TRDN: variants seen among roughly 807,000 people sequenced by gnomAD.
TRDN encodes triadin in skeletal muscle.
In TRDN, 161 loss-of-function variants were observed where a neutral mutation model predicts 149.7. That is an observed-to-expected ratio of 1.08 (90% CI 0.95 to 1.23). The LOEUF is 1.23. Ranked by LOEUF, TRDN falls within the 50% of genes most tolerant of loss-of-function variation. The pLI, the probability that TRDN is intolerant of heterozygous loss-of-function variation, is 0.00. For synonymous variants in TRDN, 294 were observed against 250.5 expected, an observed-to-expected ratio of 1.17 and a Z score of -1.64; for missense variants, 896 against 823.5, an observed-to-expected ratio of 1.09 and a Z score of -1.08.
chr6:123,381,457 T>C, intron 15 of TRDN, 67 bp from the exon 16 acceptor site: 6 of 1,422,318 alleles, frequency 4.2e-6, no homozygotes, highest in Non-Finnish European at 5.7e-6. Flanking sequence ...ACCCTACATA[T>C]TGATTAGACT....
At chr6:123,365,684 A>G (rs1781070278) in intron 20 of TRDN, among the ~76,000 whole-genome samples, 1 of 152,156 alleles carries the variant, frequency 6.6e-6, no homozygotes, top group Non-Finnish European at 1.5e-5. Context: ...TATATTTCTT[A>G]AAGCAAAATG....
At chr6:123,576,130 A>T (rs550515256) in intron 1 of TRDN, among the ~76,000 whole-genome samples, 1 of 152,174 alleles carries the variant, frequency 6.6e-6, no homozygotes, top group Non-Finnish European at 1.5e-5. Context: ...CTTTAAGAAC[A>T]TAATTCCCAA....
At chr6:123,471,492 T>G (rs989573516) in intron 9 of TRDN, 12 of 152,272 alleles carry the variant, frequency 7.9e-5, no homozygotes, top group African/African-American at 2.9e-4. Context: ...TAGAAAAGGT[T>G]TAAGCAAATG....
At chr6:123,441,760 G>T (rs1184717061) in intron 10 of TRDN, among the ~76,000 whole-genome samples, 1 of 152,128 alleles carries the variant, frequency 6.6e-6, no homozygotes. Flanking sequence ...AGCTTTCTAA[G>T]ATGCTGTTTC....
In TRDN at chr6:123,616,133, T is replaced by C. The variant is rs142021384; in HGVS notation, c.22+20621A>G. ...TGGTATGCCGAGGCAGGAGGATCAC[T>C]TGAGGCTAGGAATTTGAGACCAGCC... On this transcript the variant is annotated intron_variant, in intron 1 of 40. Transcript: ENST00000334268. Among the ~76,000 whole-genome samples, 475 of 152,238 alleles carry C rather than the reference T, an allele frequency of 3.1e-3. 4 individuals are homozygous for C. Among genetic ancestry groups the C allele is most frequent in the African/African-American group, 0.011 (446 of 41,552 alleles).
chr6:123,522,443 G>A (rs1326577181), intron 5 of TRDN, among the ~76,000 whole-genome samples: 2 of 150,944 alleles, frequency 1.3e-5, no homozygotes, highest in Non-Finnish European at 2.9e-5. Flanking sequence ...TACATGGGGG[G>A]GGAAAGCCAG....
At chr6:123,476,861 A>G (rs1484105235) in intron 9 of TRDN, among the ~76,000 whole-genome samples, 1 of 151,952 alleles carries the variant, frequency 6.6e-6, no homozygotes, top group African/African-American at 2.4e-5. Flanking sequence ...AGCCATATGT[A>G]GAAAGCTGAA....
At chr6:123,401,199 T>A (rs2114485018) in intron 12 of TRDN, among the ~76,000 whole-genome samples, 1 of 152,334 alleles carries the variant, frequency 6.6e-6, no homozygotes, top group South Asian at 2.1e-4. Flanking sequence ...GTTATAATCA[T>A]ATTCAAAGAG....
rs1442579864 is a variant in TRDN, at chr6:123,464,971, G to A, written c.866C>T (p.Ala289Val). The part of the protein sequence containing the change: ...HGDLKPGQSP[A>V]IPPPLPTEQA... ...TTCTGTCGGTAAGGGAGGTGGAATGGCTGGGCTTTGTCCTACACAATGTAG... is the reference window on the plus strand; with the variant it reads ...TTCTGTCGGTAAGGGAGGTGGAATGACTGGGCTTTGTCCTACACAATGTAG... Residue 289 changes from alanine (A) to valine (V), a missense_variant, in exon 10 of 41, where the codon GCC (alanine) becomes GTC (valine). Transcript: ENST00000334268. 1 of 1,595,756 alleles carries A rather than the reference G, an allele frequency of 6.3e-7. No homozygotes were observed. Among genetic ancestry groups the A allele is most frequent in the Admixed American group, 1.8e-5 (1 of 57,068 alleles).
chr6:123,442,978 C>A (rs910281806), intron 10 of TRDN, among the ~76,000 whole-genome samples: 3 of 152,112 alleles, frequency 2.0e-5, no homozygotes, highest in African/African-American at 7.2e-5. Flanking sequence ...CTGTCTTCAA[C>A]CATAAAAGGC....
chr6:123,523,660 A>G (rs910426634), intron 5 of TRDN, among the ~76,000 whole-genome samples: 3 of 152,164 alleles, frequency 2.0e-5, no homozygotes, highest in Middle Eastern at 3.2e-3. Context: ...AAAGTAGACT[A>G]AATTATAGTA....
chr6:123,466,954 A>G (rs1426865819), intron 9 of TRDN, among the ~76,000 whole-genome samples: 1 of 152,068 alleles, frequency 6.6e-6, no homozygotes, highest in Non-Finnish European at 1.5e-5. Flanking sequence ...TTATTATACT[A>G]TATATAAAAT....
chr6:123,528,271 A>ATTTTTT (rs11286718), intron 5 of TRDN, among the ~76,000 whole-genome samples: 23 of 149,294 alleles, frequency 1.5e-4, no homozygotes, highest in Non-Finnish European at 2.7e-4. Context: ...ATTCTGTGTG[A>ATTTTTT]TTTTTTTTTT....
chr6:123,572,803 T>C (rs918840284), intron 1 of TRDN, among the ~76,000 whole-genome samples: 9 of 152,218 alleles, frequency 5.9e-5, no homozygotes, highest in African/African-American at 2.2e-4. Context: ...CAATATAAAA[T>C]ACATGATTAC....
intron 1 of TRDN, among the ~76,000 whole-genome samples, chr6:123,609,529 T>C (rs1395289304): frequency 6.6e-6 from 1 of 152,166 alleles, no homozygotes; most frequent in Non-Finnish European, 1.5e-5. Context: ...ATCTTGCCAA[T>C]CTCAAACTGC....
chr6:123,254,840 G>C, intron 37 of TRDN: 1 of 349,242 alleles, frequency 2.9e-6, no homozygotes, highest in Non-Finnish European at 5.5e-6. Context: ...TTCTTCTGAT[G>C]TGTAACAGAA....
rs907321444 is a variant in TRDN, at chr6:123,609,045, C to T, written c.22+27709G>A. Among the ~76,000 whole-genome samples the T allele has an allele frequency of 5.9e-5, 9 of 151,586 alleles. No individual in the cohort carries two copies. In the East Asian group the frequency reaches 7.8e-4, roughly 13 times the overall value. ...AAAATTAGCAGGGCATGGTGGTGTG[C>T]GCCTGTAATCCCAGCTACTTGAGAG... On this transcript the variant is annotated intron_variant, in intron 1 of 40. Coordinates refer to ENST00000334268, the MANE Select transcript of TRDN (RefSeq NM_006073.4).
At chr6:123,539,199 A>G (rs979708181) in intron 4 of TRDN, among the ~76,000 whole-genome samples, 2 of 152,220 alleles carry the variant, frequency 1.3e-5, no homozygotes, top group East Asian at 3.8e-4. Flanking sequence ...GTCCAAAGTG[A>G]AACTACTGTC....
chr6:123,488,520 T>C (rs1447665442), intron 9 of TRDN, among the ~76,000 whole-genome samples: 1 of 152,146 alleles, frequency 6.6e-6, no homozygotes, highest in East Asian at 1.9e-4. Context: ...TTCTAAATAA[T>C]CTTTTACTTT....
Sources: allele counts gnomAD v4.1 joint callset (sites outside exome capture counted in the v4.1 genomes callset), GRCh38; gene constraint gnomAD v4.1.1; transcripts MANE v1.5; gene names NCBI Gene and HGNC (gene_info 2026-07-23, HGNC 2026-07-21).